Variants in GFPT2 observed in about 807,000 individuals in gnomAD.
GFPT2 encodes glutamine--fructose-6-phosphate transaminase 2, also known as glutamine--fructose-6-phosphate aminotransferase [isomerizing] 2.
A neutral mutation model predicts 85.6 loss-of-function variants in GFPT2; 62 were observed. The ratio of observed to expected loss-of-function variants is 0.72; its 90% CI spans 0.59 to 0.90. The LOEUF is 0.90. Among genes scored for constraint, GFPT2 ranks in the 40% least tolerant of loss-of-function variants. The pLI is 0.00. For synonymous variants in GFPT2, 368 were observed against 344.5 expected (o/e 1.07, Z -0.75); for missense variants, 788 against 893.4 (o/e 0.88, Z 1.50).
intron 4 of GFPT2, among the ~76,000 whole-genome samples, chr5:180,334,048 A>G (rs1367391605): frequency 1.3e-5 from 2 of 152,196 alleles, no homozygotes; most frequent in Non-Finnish European, 2.9e-5. Context: ...CTCTGGCCAG[A>G]TGTACATTCT....
In GFPT2 at chr5:180,330,451, G is replaced by A. The variant is rs989636134; in HGVS notation, c.534+249C>T. On this transcript the variant is annotated intron_variant, in intron 6 of 18. Coordinates refer to ENST00000253778, the MANE Select transcript of GFPT2 (RefSeq NM_005110.4). This position sits in a 1 kb window ranked among gnomAD's most constrained non-coding sequence, Gnocchi z 4.4. ...CCAGTCACAATTTCAGAAGTGTCACGATGAAGCAGGGCACTTTCTATTTGA... is the reference window on the plus strand; with the variant it reads ...CCAGTCACAATTTCAGAAGTGTCACAATGAAGCAGGGCACTTTCTATTTGA... Among the ~76,000 whole-genome samples the A allele has an allele frequency of 6.6e-6, 1 of 152,120 alleles. No homozygotes were observed. The highest frequency in any genetic ancestry group is 2.4e-5 in the African/African-American group (1 of 41,434).
Position 180,324,831 on chromosome 5 carries a change from T to C in GFPT2, c.661A>G (p.Ile221Val), listed in dbSNP as rs1450918073. The C allele has an allele frequency of 1.4e-5, 22 of 1,604,626 alleles. No individual in the cohort carries two copies. Among genetic ancestry groups the C allele is most frequent in the African/African-American group, 4.0e-5 (3 of 74,744 alleles). ...KYKLSTEQIP[I>V]LYRTCTLENV... is the part of the protein sequence containing the mutation. ...AGAAACTTACACGTCCTGTATAAGA[T>C]AGGGATCTGTTCTGTGGAGAGCTTG... Residue 221 changes from isoleucine (I) to valine (V), a missense_variant, in exon 8 of 19, where the codon ATC becomes GTC. Transcript: ENST00000253778.
rs138387981 is a variant in GFPT2, at chr5:180,323,938, C to T, written c.794+250G>A. ...TGGCAACTAACCCATTCATTTTGTGCAGGCTCGAAGCACTGTGCCCACCAG... is the reference window on the plus strand; with the variant it reads ...TGGCAACTAACCCATTCATTTTGTGTAGGCTCGAAGCACTGTGCCCACCAG... On this transcript the variant is annotated intron_variant, in intron 9 of 18. Transcript: ENST00000253778. The surrounding 1 kb of genome is among the most constrained non-coding windows in gnomAD (Gnocchi z 4.0). Among the ~76,000 whole-genome samples, 432 of 152,366 alleles carry T rather than the reference C, an allele frequency of 2.8e-3. 3 individuals are homozygous for T. The highest frequency in any genetic ancestry group is 0.01 in the African/African-American group (416 of 41,594).
chr5:180,329,001 C>T (rs77010172), intron 6 of GFPT2, among the ~76,000 whole-genome samples: 19,973 of 152,208 alleles, frequency 0.13, 1,588 homozygotes, highest in East Asian at 0.29. Context: ...TTGTGCAAAG[C>T]CAGAACTAGA....
intron 1 of GFPT2, among the ~76,000 whole-genome samples, chr5:180,345,368 CG>C (rs936373389): frequency 6.6e-6 from 1 of 152,218 alleles, no homozygotes; most frequent in African/African-American, 2.4e-5. Flanking sequence ...ATGGACCCAT[CG>C]GGGGGCCTCA....
Position 180,316,390 on chromosome 5 carries a change from C to T in GFPT2, c.1224G>A (p.Arg408=), listed in dbSNP as rs769707097. The part of the protein sequence containing the change: ...MVELASDFLD[R]NTPVFRDDVC... ...CGTCATCCCTGAACACAGGTGTGTT[C>T]CTGTCCAGAAAATCACTAGCAAGTT... is the stretch of plus-strand genomic sequence containing the variant. Residue 408 remains arginine (R), a synonymous_variant, in exon 13 of 19, where the codon AGG becomes AGA. Coordinates refer to ENST00000253778, the MANE Select transcript of GFPT2 (RefSeq NM_005110.4). 2 of 1,614,060 alleles carry T rather than the reference C, an allele frequency of 1.2e-6. No homozygotes were observed. The highest frequency in any genetic ancestry group is 1.7e-5 in the Admixed American group (1 of 60,020).
At position 180,318,960 on chromosome 5, in the gene GFPT2, G is replaced by T. The variant is rs1764067446; in HGVS notation, c.795-4C>A. The T allele has an allele frequency of 6.2e-7, 1 of 1,611,356 alleles. No individual in the cohort carries two copies. ...GTTGGTGTGCTCTATGATAGCGCTG[G>T]GGCAAGGGAAACAGGCATCATCAGT... On this transcript the variant is annotated splice_polypyrimidine_tract_variant and splice_region_variant and intron_variant, in intron 9 of 18. Transcript: ENST00000253778. The surrounding 1 kb of genome is among the most constrained non-coding windows in gnomAD (Gnocchi z 4.2).
At chr5:180,336,252 T>A in intron 3 of GFPT2, 2 of 587,232 alleles carry the variant, frequency 3.4e-6, no homozygotes, top group South Asian at 4.3e-5. Flanking sequence ...AAATAACTAC[T>A]GTATGTAACC....
intron 1 of GFPT2, 86 bp from the exon 2 acceptor site, chr5:180,338,686 G>T: frequency 2.6e-6 from 2 of 762,676 alleles, no homozygotes; most frequent in Non-Finnish European, 4.4e-6. Context: ...CACCGAGGTG[G>T]CATCACAAAG....
chr5:180,330,903 T>TC lies in GFPT2; in HGVS notation c.400-70dup. On this transcript the variant is annotated intron_variant, in intron 5 of 18. Transcript: ENST00000253778. The surrounding 1 kb of genome is among the most constrained non-coding windows in gnomAD (Gnocchi z 4.4). ...CAATGCCTGCCTGGCCAACTCCCTC[T>TC]CCTCCCTGGTGATCTGCCCTTGGAG... 1 of 1,407,190 alleles carries TC rather than the reference T, an allele frequency of 7.1e-7. No individual in the cohort carries two copies. Among genetic ancestry groups the TC allele is most frequent in the Non-Finnish European group, 1.0e-6 (1 of 1,003,528 alleles). 87.2% of individuals were successfully genotyped at this position (1,407,190 alleles called of 1,614,324 possible). A position where few individuals can be genotyped will look rare whatever the true frequency, so the allele number is the denominator to read the frequency against.
chr5:180,352,593 T>G, intron 1 of GFPT2: 1 of 448,952 alleles, frequency 2.2e-6, no homozygotes, highest in Non-Finnish European at 4.4e-6. Flanking sequence ...GGGCAGTGAC[T>G]GCCTCTTCCC....
At chr5:180,317,272 G>A (rs1160478876) in intron 10 of GFPT2, among the ~76,000 whole-genome samples, 1 of 152,138 alleles carries the variant, frequency 6.6e-6, no homozygotes, top group Non-Finnish European at 1.5e-5. Flanking sequence ...CTTGAGAAAG[G>A]GAGGGATTTG....
chr5:180,324,897 T>C lies in GFPT2; in HGVS notation c.597-2A>G. 2 of 1,595,822 alleles carry C rather than the reference T, an allele frequency of 1.3e-6. No individual in the cohort carries two copies. The highest frequency in any genetic ancestry group is 1.3e-5 in the African/African-American group (1 of 74,706). ...CCGATGAGCAGGGGGCTGCCTCTCC[T>C]GTAGGGAGAAAGAGGCATCCCATTA... On this transcript the variant is annotated splice_acceptor_variant, in intron 7 of 18. Coordinates refer to ENST00000253778, the MANE Select transcript of GFPT2 (RefSeq NM_005110.4). LOFTEE classifies it high-confidence loss of function.
At chr5:180,314,854 CAG>C (rs1268219293) in intron 13 of GFPT2, among the ~76,000 whole-genome samples, 2 of 152,162 alleles carry the variant, frequency 1.3e-5, no homozygotes, top group African/African-American at 4.8e-5. Context: ...TCTATACACA[CAG>C]AGATTCGGAA....
intron 9 of GFPT2, 38 bp downstream of exon 9, chr5:180,324,150 T>C (rs756507240): frequency 3.6e-6 from 4 of 1,103,242 alleles, no homozygotes; most frequent in Admixed American, 3.6e-5. Flanking sequence ...TCTTTGATTA[T>C]GTAATCCCAG....
intron 15 of GFPT2, among the ~76,000 whole-genome samples, chr5:180,311,858 T>C (rs1210116089): frequency 6.6e-6 from 1 of 152,090 alleles, no homozygotes; most frequent in Non-Finnish European, 1.5e-5. Flanking sequence ...GATGAGAAGC[T>C]GTCGGCTGTA....
chr5:180,326,267 T>C (rs1271349489), intron 7 of GFPT2, among the ~76,000 whole-genome samples: 1 of 151,312 alleles, frequency 6.6e-6, no homozygotes, highest in Non-Finnish European at 1.5e-5. Flanking sequence ...CCTCTACACA[T>C]TAATTTATTA....
chr5:180,347,464 G>T (rs1272538477), intron 1 of GFPT2, among the ~76,000 whole-genome samples: 1 of 152,192 alleles, frequency 6.6e-6, no homozygotes, highest in Non-Finnish European at 1.5e-5. Flanking sequence ...AACCGGGAAA[G>T]GTCCCAGAAG....
chr5:180,302,397 C>T, intron 18 of GFPT2, 26 bp downstream of exon 18: 1 of 1,594,006 alleles, frequency 6.3e-7, no homozygotes, highest in Non-Finnish European at 8.6e-7. Context: ...CTCCTCTCTG[C>T]TGTTAGGTGC....
Sources: gnomAD v4.1 joint callset for allele counts (sites outside exome capture counted in the v4.1 genomes callset) on GRCh38, gnomAD v4.1.1 for gene constraint, Gnocchi (gnomAD v3.1) non-coding constraint, MANE v1.5 for transcripts, NCBI Gene and HGNC (gene_info 2026-07-23, HGNC 2026-07-21) for gene names.